EPHA3: variants seen among roughly 807,000 people sequenced by gnomAD.
EPHA3 encodes the protein ephrin type-A receptor 3.
Under a neutral mutation model 107.1 loss-of-function variants are expected in EPHA3, and 42 were observed. The ratio of observed to expected loss-of-function variants is 0.39; its 90% CI spans 0.31 to 0.51. The LOEUF is 0.51. Among genes scored for constraint, EPHA3 ranks in the 20% least tolerant of loss-of-function variants. The probability of loss-of-function intolerance (pLI) is 0.78; values close to 1 mark genes in which losing one functional copy is unlikely to be tolerated. For missense variants in EPHA3, 1,183 were observed against 1,211.2 expected (o/e 0.98, Z 0.35); for synonymous variants, 461 against 424.8 (o/e 1.09, Z -1.05).
intron 2 of EPHA3, among the ~76,000 whole-genome samples, chr3:89,184,030 C>G (rs149797728): frequency 1.3e-5 from 2 of 151,378 alleles, no homozygotes; most frequent in East Asian, 1.9e-4. Context: ...TAAGGTTTGA[C>G]CTTTTCCTTT....
At chr3:89,473,601 C>G (rs562133959) in intron 16 of EPHA3, among the ~76,000 whole-genome samples, 33 of 152,274 alleles carry the variant, frequency 2.2e-4, no homozygotes, top group African/African-American at 7.9e-4. Context: ...TAGCTAAAAA[C>G]TGGCTTTCTA....
At chr3:89,228,262 G>A (rs1185766469) in intron 3 of EPHA3, among the ~76,000 whole-genome samples, 7 of 151,938 alleles carry the variant, frequency 4.6e-5, no homozygotes, top group Admixed American at 1.3e-4. Context: ...GTATTTAAGT[G>A]TTCTACAAAA....
chr3:89,269,432 T>G (rs1052628471), intron 3 of EPHA3, among the ~76,000 whole-genome samples: 1 of 151,892 alleles, frequency 6.6e-6, no homozygotes, highest in African/African-American at 2.4e-5. Flanking sequence ...GAGAATAGTT[T>G]TTTTTATAAT....
At chr3:89,333,824 A>T (rs1362304879) in intron 3 of EPHA3, among the ~76,000 whole-genome samples, 2 of 152,070 alleles carry the variant, frequency 1.3e-5, no homozygotes, top group African/African-American at 2.4e-5. Context: ...GCAAGCCAAG[A>T]TCACGCTGCT....
At chr3:89,292,181 T>G (rs1199990320) in intron 3 of EPHA3, among the ~76,000 whole-genome samples, 1 of 152,160 alleles carries the variant, frequency 6.6e-6, no homozygotes, top group African/African-American at 2.4e-5. Flanking sequence ...GCGCCCTGTA[T>G]CCATGGGTTC....
At position 89,296,728 on chromosome 3, in the gene EPHA3, G is replaced by T. The variant is rs150558665; in HGVS notation, c.815-44188G>T. Among the ~76,000 whole-genome samples, 35 of 152,242 alleles carry T rather than the reference G, an allele frequency of 2.3e-4. No homozygotes were observed. In the East Asian group the frequency reaches 6.2e-3, roughly 27 times the overall value. ...CTGCCCTTTGAAACTTCAAAGCTAG[G>T]TATTGACTTCTCCTCTTTAGCTGTG... On this transcript the variant is annotated intron_variant, in intron 3 of 16. Coordinates refer to ENST00000336596, the MANE Select transcript of EPHA3 (RefSeq NM_005233.6).
At chr3:89,246,863 A>G (rs1201862216) in intron 3 of EPHA3, among the ~76,000 whole-genome samples, 1 of 152,076 alleles carries the variant, frequency 6.6e-6, no homozygotes, top group Non-Finnish European at 1.5e-5. Context: ...GGTTGGTTTA[A>G]TGTCCTTTGG....
intron 5 of EPHA3, among the ~76,000 whole-genome samples, chr3:89,350,834 C>T (rs910798303): frequency 6.6e-6 from 1 of 151,162 alleles, no homozygotes; most frequent in Non-Finnish European, 1.5e-5. Context: ...TTCCTTCTAA[C>T]AGACAGGACC....
Position 89,367,672 on chromosome 3 carries a change from T to C in EPHA3, c.1306+25582T>C, listed in dbSNP as rs1314733394. On this transcript the variant is annotated intron_variant, in intron 5 of 16. Transcript: ENST00000336596. The stretch of plus-strand genomic sequence containing the variant: ...CAATCATAATTTCCTTTACTCCTTG[T>C]TACAAAGATAGATATATCTCCTTCC... 3.3e-5 allele frequency among the ~76,000 whole-genome samples: 5 copies of C among 150,934 alleles called. 1 individual carries two copies. The highest frequency in any genetic ancestry group is 7.4e-5 in the Non-Finnish European group (5 of 67,324).
At chr3:89,430,851 T>C (rs544925224) in intron 12 of EPHA3, among the ~76,000 whole-genome samples, 11 of 152,172 alleles carry the variant, frequency 7.2e-5, no homozygotes, top group Non-Finnish European at 1.3e-4. Flanking sequence ...TTAACCTTAA[T>C]GAGTCTGAGC....
chr3:89,165,077 G>A (rs1464302727), intron 2 of EPHA3, among the ~76,000 whole-genome samples: 1 of 152,132 alleles, frequency 6.6e-6, no homozygotes, highest in Admixed American at 6.5e-5. Context: ...TTTAATCAGT[G>A]AGGGATTAGG....
At position 89,424,460 on chromosome 3, in the gene EPHA3, C is replaced by T. The variant is rs112183548; in HGVS notation, c.2075-4646C>T. Among the ~76,000 whole-genome samples the T allele has an allele frequency of 5.2e-3, 790 of 151,150 alleles. 7 individuals carry two copies. Among genetic ancestry groups the T allele is most frequent in the African/African-American group, 0.018 (756 of 41,398 alleles). ...GTAAAACTTTAAAAGCATTTCTTTTCGAGAGAAAACAAAAAGCCTGTTGTT... is the reference window on the plus strand; with the variant it reads ...GTAAAACTTTAAAAGCATTTCTTTTTGAGAGAAAACAAAAAGCCTGTTGTT... On this transcript the variant is annotated intron_variant, in intron 11 of 16. Transcript: ENST00000336596.
intron 3 of EPHA3, among the ~76,000 whole-genome samples, chr3:89,264,461 C>T (rs142323461): frequency 9.7e-4 from 147 of 152,254 alleles, no homozygotes; most frequent in African/African-American, 3.0e-3. Flanking sequence ...CTACCTCCCT[C>T]GTACCCCTTG....
chr3:89,393,088 A>T (rs1446644460), intron 5 of EPHA3, among the ~76,000 whole-genome samples: 2 of 152,176 alleles, frequency 1.3e-5, no homozygotes, highest in Admixed American at 1.3e-4. Flanking sequence ...TGGTGTACTG[A>T]GTTGAACTTT....
At chr3:89,219,688 GT>G (rs1553666928) in intron 3 of EPHA3, among the ~76,000 whole-genome samples, 3 of 34,434 alleles carry the variant, frequency 8.7e-5, no homozygotes, top group Non-Finnish European at 1.0e-4. Flanking sequence ...ATTTGGCAAT[GT>G]TTTTTTTTTT....
In EPHA3 at chr3:89,210,464, C is replaced by T. The variant is rs761576191; in HGVS notation, c.758C>T (p.Pro253Leu). 1.3e-6 allele frequency: 2 copies of T among 1,592,990 alleles called. No homozygotes were observed. The highest frequency in any genetic ancestry group is 3.6e-5 in the Admixed American group (2 of 55,338). ...AGTACAGAAGGCGAATGGCTTGTAC[C>T]CATTGGCAAGTGTTCCTGCAATGCT... Reference protein sequence around the residue: ...YCSTEGEWLVPIGKCSCNAGY... With the variant: ...YCSTEGEWLVLIGKCSCNAGY... Residue 253 changes from proline (P) to leucine (L), a missense_variant, in exon 3 of 17, where the codon CCC becomes CTC. Pro to Leu is a moderately conservative substitution (Grantham distance 98). Coordinates refer to ENST00000336596, the MANE Select transcript of EPHA3 (RefSeq NM_005233.6).
At chr3:89,178,382 T>C (rs1705363579) in intron 2 of EPHA3, among the ~76,000 whole-genome samples, 1 of 152,118 alleles carries the variant, frequency 6.6e-6, no homozygotes, top group South Asian at 2.1e-4. Flanking sequence ...AGAAATGCTG[T>C]TAGCATACGT....
chr3:89,388,355 T>G lies in EPHA3; in HGVS notation c.1307-7482T>G, dbSNP rs74726893. On this transcript the variant is annotated intron_variant, in intron 5 of 16. Transcript: ENST00000336596. ...GGGAAGACATACTGTAAGCAAATGA[T>G]GTAATTACAACACAATGCAGTCAGA... 1.6e-4 allele frequency among the ~76,000 whole-genome samples: 25 copies of G among 152,232 alleles called. No homozygotes were observed. The East Asian group carries it at 4.1e-3, about 25-fold the overall frequency.
chr3:89,457,244 TA>T (rs951117662), intron 15 of EPHA3, among the ~76,000 whole-genome samples: 1 of 151,850 alleles, frequency 6.6e-6, no homozygotes, highest in African/African-American at 2.4e-5. Context: ...GACTATAGGA[TA>T]AAAAAAGGAA....
Sources: allele counts gnomAD v4.1 joint callset (sites outside exome capture counted in the v4.1 genomes callset), GRCh38; gene constraint gnomAD v4.1.1; transcripts MANE v1.5; gene names NCBI Gene and HGNC (gene_info 2026-07-23, HGNC 2026-07-21).